RANBP2: variants seen among roughly 807,000 people sequenced by gnomAD.
RANBP2 encodes the protein E3 SUMO-protein ligase RanBP2.
A neutral mutation model predicts 303.6 loss-of-function variants in RANBP2; 57 were observed. The ratio of observed to expected loss-of-function variants is 0.19; its 90% confidence interval spans 0.15 to 0.23. The LOEUF (loss-of-function observed/expected upper bound fraction) is 0.23. RANBP2 is among the 10% of genes least tolerant of loss of function. RANBP2 has a pLI of 1.00. For synonymous variants in RANBP2, 1,167 were observed against 1,301.5 expected, an observed-to-expected ratio of 0.90 and a Z score of 2.23; for missense variants, 3,138 against 3,780.8, an observed-to-expected ratio of 0.83 and a Z score of 4.46.
the RANBP2 span, among the ~76,000 whole-genome samples, chr2:109,327,885 T>C: frequency 1.3e-5 from 2 of 152,222 alleles, no homozygotes; most frequent in Non-Finnish European, 2.9e-5. Context: ...GTTTAGCAAT[T>C]CATTTCTTTT....
chr2:109,314,076 C>T, the RANBP2 span, among the ~76,000 whole-genome samples: 1 of 151,942 alleles, frequency 6.6e-6, no homozygotes, highest in Non-Finnish European at 1.5e-5. Context: ...GCCGTGAGAC[C>T]CGGGGCAAGT....
chr2:108,883,925 A>G, the RANBP2 span: 1 of 138,758 alleles, frequency 7.2e-6, no homozygotes, highest in African/African-American at 2.7e-5. Flanking sequence ...ACTTGTTTTG[A>G]TTTTTTGTTT....
chr2:109,701,611 A>G, the RANBP2 span, among the ~76,000 whole-genome samples: 1 of 152,136 alleles, frequency 6.6e-6, no homozygotes, highest in African/African-American at 2.4e-5. Context: ...AGAAGAAGCA[A>G]TCAGATACGC....
the RANBP2 span, among the ~76,000 whole-genome samples, chr2:109,510,909 CCT>C: frequency 1.3e-5 from 2 of 152,202 alleles, no homozygotes; most frequent in African/African-American, 4.8e-5. Context: ...CCCCTGGCCT[CCT>C]CGTGGGTGCT....
chr2:109,651,306 G>A, the RANBP2 span, among the ~76,000 whole-genome samples: 2 of 152,100 alleles, frequency 1.3e-5, no homozygotes, highest in Non-Finnish European at 2.9e-5. Flanking sequence ...GCTCCTAGAT[G>A]GTTCCATAAC....
At chr2:109,070,933 C>T in the RANBP2 span, among the ~76,000 whole-genome samples, 79,169 of 151,684 alleles carry the variant, frequency 0.52, 21,293 homozygotes, top group East Asian at 0.72. Context: ...ATGTGGGGCA[C>T]GGGCTGCTCC....
the RANBP2 span, among the ~76,000 whole-genome samples, chr2:109,367,164 A>G: frequency 7.7e-6 from 1 of 129,722 alleles, no homozygotes; most frequent in African/African-American, 3.0e-5. Context: ...GGGTTTTGCC[A>G]TGTTGGCCAG....
At chr2:109,609,298 GTCCT>G in the RANBP2 span, among the ~76,000 whole-genome samples, 8 of 152,104 alleles carry the variant, frequency 5.3e-5, no homozygotes, top group East Asian at 1.5e-3. Context: ...AATAATGCCT[GTCCT>G]CAAAGATATA....
the RANBP2 span, among the ~76,000 whole-genome samples, chr2:109,385,297 A>G: frequency 6.6e-6 from 1 of 152,206 alleles, no homozygotes. Flanking sequence ...AGGGAGAAGT[A>G]TGTGTTAGAA....
the RANBP2 span, among the ~76,000 whole-genome samples, chr2:109,233,779 A>G: frequency 1.3e-5 from 2 of 152,192 alleles, no homozygotes; most frequent in Admixed American, 6.5e-5. Flanking sequence ...GCATTTCCAG[A>G]ATGCCATATA....
chr2:109,294,717 G>A, the RANBP2 span, among the ~76,000 whole-genome samples: 1 of 152,304 alleles, frequency 6.6e-6, no homozygotes, highest in East Asian at 1.9e-4. Context: ...GACAGACACA[G>A]CCCTACAGGG....
chr2:109,395,747 A>G, the RANBP2 span, among the ~76,000 whole-genome samples: 1 of 152,194 alleles, frequency 6.6e-6, no homozygotes, highest in Non-Finnish European at 1.5e-5. Context: ...CTGAGGGGCC[A>G]GGCACTGTGC....
chr2:109,186,893 T>C, the RANBP2 span, among the ~76,000 whole-genome samples: 4 of 152,226 alleles, frequency 2.6e-5, no homozygotes, highest in Non-Finnish European at 4.4e-5. Flanking sequence ...TGTGGGTCCA[T>C]ATATTCACCC....
chr2:109,212,645 G>C, the RANBP2 span, among the ~76,000 whole-genome samples: 23 of 152,210 alleles, frequency 1.5e-4, no homozygotes, highest in African/African-American at 4.8e-4. Flanking sequence ...TTCTTCTCCA[G>C]ATAGCAACCT....
At chr2:109,061,451 G>C in the RANBP2 span, among the ~76,000 whole-genome samples, 7 of 151,918 alleles carry the variant, frequency 4.6e-5, no homozygotes, top group African/African-American at 1.7e-4. Flanking sequence ...GTGTGTGCTT[G>C]CTTGGTGGGT....
chr2:109,151,352 A>G, the RANBP2 span, among the ~76,000 whole-genome samples: 4 of 152,208 alleles, frequency 2.6e-5, no homozygotes, highest in African/African-American at 7.2e-5. Context: ...AACATTCATG[A>G]AAAGCTAATG....
At chr2:108,821,445 T>C in the RANBP2 span, among the ~76,000 whole-genome samples, 1 of 152,178 alleles carries the variant, frequency 6.6e-6, no homozygotes, top group Non-Finnish European at 1.5e-5. Context: ...GTTGGCATTA[T>C]TGATGTAAAA....
At chr2:108,946,319 A>T in the RANBP2 span, among the ~76,000 whole-genome samples, 3 of 152,230 alleles carry the variant, frequency 2.0e-5, no homozygotes, top group Non-Finnish European at 2.9e-5. Flanking sequence ...CTGGGACAAC[A>T]CATATCTGAG....
chr2:109,078,120 C>CCTTAAAAAAGAAGGAA, the RANBP2 span, among the ~76,000 whole-genome samples: 9 of 33,614 alleles, frequency 2.7e-4, no homozygotes, highest in Non-Finnish European at 4.8e-4. Context: ...ATATATATAG[C>CCTTAAAAAAGAAGGAA]GTGTATATAT....
Sources: gnomAD v4.1 joint callset for allele counts (sites outside exome capture counted in the v4.1 genomes callset) on GRCh38, gnomAD v4.1.1 for gene constraint, MANE v1.5 for transcripts, NCBI Gene and HGNC (gene_info 2026-07-23, HGNC 2026-07-21) for gene names.